Variants in ATP10B observed in about 807,000 individuals in gnomAD.
ATP10B encodes the protein ATPase phospholipid transporting 10B (putative), also known as phospholipid-transporting ATPase VB.
In ATP10B, 122 loss-of-function variants were observed where a neutral mutation model predicts 141.2. The observed-to-expected ratio is 0.86, with a 90% CI of 0.75 to 1.00. The LOEUF is 1.00. ATP10B is among the 50% of genes least tolerant of loss of function. The pLI is 0.00. For missense variants in ATP10B, 1,876 were observed against 1,825.3 expected, an observed-to-expected ratio of 1.03 and a Z score of -0.51; for synonymous variants, 685 against 692.0, an observed-to-expected ratio of 0.99 and a Z score of 0.16.
chr5:160,669,524 C>A (rs1324139878), intron 7 of ATP10B, among the ~76,000 whole-genome samples: 1 of 151,612 alleles, frequency 6.6e-6, no homozygotes, highest in Non-Finnish European at 1.5e-5. Context: ...TCTGAGGTAC[C>A]ATTTATGAAA....
At chr5:160,617,346 TAG>T (rs145846485) in intron 16 of ATP10B, among the ~76,000 whole-genome samples, 2,087 of 151,916 alleles carry the variant, frequency 0.014, 49 homozygotes, top group African/African-American at 0.048. Flanking sequence ...TAGGGAGAGG[TAG>T]AGAGTGGTAG....
chr5:160,739,636 A>G (rs1009476137), intron 2 of ATP10B, among the ~76,000 whole-genome samples: 2 of 152,218 alleles, frequency 1.3e-5, no homozygotes, highest in Non-Finnish European at 2.9e-5. Context: ...CTGCCATTCC[A>G]TCCACTCACA....
chr5:160,865,142 C>T, the ATP10B span, among the ~76,000 whole-genome samples: 4 of 152,100 alleles, frequency 2.6e-5, no homozygotes, highest in Admixed American at 6.6e-5. Flanking sequence ...AAGTACAAAT[C>T]TGGAGGCATC....
intron 1 of ATP10B, among the ~76,000 whole-genome samples, chr5:160,801,740 T>C (rs1772380463): frequency 2.0e-5 from 3 of 152,150 alleles, no homozygotes; most frequent in African/African-American, 7.2e-5. Context: ...TCTAGCAATA[T>C]ACAGGCCAAG....
intron 5 of ATP10B, chr5:160,686,845 C>G: frequency 1.6e-6 from 1 of 627,858 alleles, no homozygotes; most frequent in Non-Finnish European, 2.0e-6. Context: ...AGCAGTTGCT[C>G]AGTAAATGGT....
At chr5:160,776,898 C>T (rs920599495) in intron 2 of ATP10B, among the ~76,000 whole-genome samples, 3 of 152,130 alleles carry the variant, frequency 2.0e-5, no homozygotes, top group South Asian at 2.1e-4. Context: ...TGATTTTAGT[C>T]GGACACTTGC....
At chr5:160,696,227 C>A (rs1270545191) in intron 3 of ATP10B, among the ~76,000 whole-genome samples, 2 of 152,076 alleles carry the variant, frequency 1.3e-5, no homozygotes, top group East Asian at 1.9e-4. Context: ...CTGCCTTAGC[C>A]TCCTGAGTAG....
the ATP10B span, among the ~76,000 whole-genome samples, chr5:160,921,622 A>G: frequency 4.6e-5 from 7 of 152,366 alleles, no homozygotes; most frequent in Non-Finnish European, 1.0e-4. Flanking sequence ...TCTGTTTGTG[A>G]TAAGAAATAC....
Position 160,687,892 on chromosome 5 carries a change from C to G in ATP10B, c.183G>C (p.Glu61Asp). 6.2e-7 allele frequency: 1 copy of G among 1,614,128 alleles called. No homozygotes were observed. The highest frequency in any genetic ancestry group is 8.5e-7 in the Non-Finnish European group (1 of 1,180,024). The change falls in exon 5 of 26, where the codon GAG becomes GAC. Residue 61 changes from glutamate to aspartate, a missense_variant. Coordinates refer to ENST00000327245, the MANE Select transcript of ATP10B (RefSeq NM_025153.3). Reference sequence around the variant, plus strand: ...TGTTGCCAGGGTATCTCCTGGAGACCTCTTCCCAATCTTGATGGAATATGC... The same window carrying G: ...TGTTGCCAGGGTATCTCCTGGAGACGTCTTCCCAATCTTGATGGAATATGC... ...NNSIFHQDWE[E>D]VSRRYPGNRT...
chr5:160,820,958 A>G (rs1051038985), intron 1 of ATP10B, among the ~76,000 whole-genome samples: 1 of 152,172 alleles, frequency 6.6e-6, no homozygotes, highest in Non-Finnish European at 1.5e-5. Context: ...AGAAACTGAA[A>G]GTCTTCACTC....
At chr5:160,835,039 T>C (rs531018897) in intron 1 of ATP10B, among the ~76,000 whole-genome samples, 1 of 152,156 alleles carries the variant, frequency 6.6e-6, no homozygotes, top group African/African-American at 2.4e-5. Context: ...AGCTGAGATA[T>C]AGATTACTGA....
intron 1 of ATP10B, among the ~76,000 whole-genome samples, chr5:160,848,314 C>T (rs922609042): frequency 1.3e-5 from 2 of 152,118 alleles, no homozygotes; most frequent in Admixed American, 1.3e-4. Flanking sequence ...GAGGCATATT[C>T]CATTCATAAG....
the ATP10B span, among the ~76,000 whole-genome samples, chr5:160,922,449 G>A: frequency 2.0e-5 from 3 of 152,204 alleles, no homozygotes; most frequent in Non-Finnish European, 1.5e-5. Context: ...TGAAAAGGAA[G>A]TAAAGAATGG....
intron 1 of ATP10B, among the ~76,000 whole-genome samples, chr5:160,846,990 G>T (rs1216451068): frequency 2.6e-5 from 4 of 152,218 alleles, no homozygotes; most frequent in Admixed American, 2.0e-4. Context: ...TAAGTACTCA[G>T]TTAATGTTAG....
the ATP10B span, among the ~76,000 whole-genome samples, chr5:160,901,044 C>G: frequency 6.7e-6 from 1 of 148,644 alleles, no homozygotes; most frequent in Non-Finnish European, 1.5e-5. Context: ...AGGTGCAAAT[C>G]AAAACACATC....
chr5:160,627,090 T>C (rs1231199138), intron 13 of ATP10B, among the ~76,000 whole-genome samples: 1 of 152,190 alleles, frequency 6.6e-6, no homozygotes, highest in East Asian at 1.9e-4. Context: ...ACAGATTGTC[T>C]CCTCTCACAA....
intron 1 of ATP10B, among the ~76,000 whole-genome samples, chr5:160,831,803 T>C (rs753271025): frequency 1.3e-5 from 2 of 152,130 alleles, no homozygotes; most frequent in African/African-American, 4.8e-5. Context: ...TTCTATAGGA[T>C]GTCAAGAGGT....
At chr5:160,722,151 C>T (rs558772048) in intron 2 of ATP10B, among the ~76,000 whole-genome samples, 6 of 152,262 alleles carry the variant, frequency 3.9e-5, no homozygotes, top group African/African-American at 1.4e-4. Context: ...AGATAGCCCA[C>T]GGGTTCTTAT....
At chr5:160,784,433 G>C (rs77294236) in intron 2 of ATP10B, among the ~76,000 whole-genome samples, 2,365 of 152,302 alleles carry the variant, frequency 0.016, 55 homozygotes, top group African/African-American at 0.054. Context: ...GCAGGTGGAG[G>C]ATTTTCTTAA....
Sources: gnomAD v4.1 joint callset for allele counts (sites outside exome capture counted in the v4.1 genomes callset) on GRCh38, gnomAD v4.1.1 for gene constraint, MANE v1.5 for transcripts, NCBI Gene and HGNC (gene_info 2026-07-23, HGNC 2026-07-21) for gene names.